The following RAP2A variants were observed in gnomAD, a reference collection of about 807,000 sequenced individuals.
The protein encoded by RAP2A is RAP2A, member of RAS oncogene family, also known as ras-related protein Rap-2a.
In RAP2A, 5 loss-of-function variants were observed where a neutral mutation model predicts 15.1. The observed-to-expected ratio is 0.33, with a 90% confidence interval of 0.17 to 0.70. RAP2A has a LOEUF of 0.70. RAP2A is among the 30% of genes least tolerant of loss of function. The pLI, the probability that RAP2A is intolerant of heterozygous loss-of-function variation, is 0.68. For missense variants in RAP2A, 111 were observed against 240.3 expected (o/e 0.46, Z 3.56); for synonymous variants, 110 against 99.7 (o/e 1.10, Z -0.62).
At chr13:97,435,249 AG>A (rs1423147779) in intron 1 of RAP2A, among the ~76,000 whole-genome samples, 1 of 152,178 alleles carries the variant, frequency 6.6e-6, no homozygotes. Context: ...ATCTCGTTAA[AG>A]GTTTATGGTT....
At chr13:97,459,579 C>T (rs554799411) in intron 1 of RAP2A, among the ~76,000 whole-genome samples, 18 of 152,270 alleles carry the variant, frequency 1.2e-4, no homozygotes, top group Admixed American at 2.6e-4. Flanking sequence ...ATGCTGTCGC[C>T]GGCTCAGGCA....
Position 97,468,156 on chromosome 13 carries a change from G to A in RAP2A, c.*3714G>A, listed in dbSNP as rs982851505. 1 of 152,232 alleles carries A rather than the reference G, an allele frequency of 6.6e-6. No individual in the cohort carries two copies. Among genetic ancestry groups the A allele is most frequent in the Non-Finnish European group, 1.5e-5 (1 of 68,002 alleles). The allele number at this position is 152,232 out of a possible 1,614,324, so 9.4% of individuals were successfully genotyped here. A position where few individuals can be genotyped will look rare whatever the true frequency, so the allele number is the denominator to read the frequency against. Reference sequence around the variant, plus strand: ...GGCAGGTAGGTAGATAATTTTCATAGTCTTTAAAAATAAAAATAACATGTA... The same window carrying A: ...GGCAGGTAGGTAGATAATTTTCATAATCTTTAAAAATAAAAATAACATGTA... On this transcript the variant is annotated 3_prime_UTR_variant, in exon 2 of 2. Coordinates refer to ENST00000245304, the MANE Select transcript of RAP2A (RefSeq NM_021033.7).
At position 97,464,217 on chromosome 13, in the gene RAP2A, G is replaced by T. The variant is rs137972195; in HGVS notation, c.327G>T (p.Val109=). The T allele has an allele frequency of 7.5e-4, 1,209 of 1,614,126 alleles. 1 individual carries two copies. Among genetic ancestry groups the T allele is most frequent in the Non-Finnish European group, 9.1e-4 (1,071 of 1,179,990 alleles). ...QIIRVKRYEK[V]PVILVGNKVD... is the part of the protein sequence containing the mutation. ...TATTCTCTCATAGGTATGAGAAAGTGCCAGTCATCTTGGTTGGGAACAAAG... is the reference window on the plus strand; with the variant it reads ...TATTCTCTCATAGGTATGAGAAAGTTCCAGTCATCTTGGTTGGGAACAAAG... Residue 109 remains valine (V), a synonymous_variant, in exon 2 of 2, where the codon GTG becomes GTT. Transcript: ENST00000245304.
chr13:97,446,325 CTTGTTTAAATAAACAGTATCTTTCT>C (rs1267293291), intron 1 of RAP2A, among the ~76,000 whole-genome samples: 1 of 152,024 alleles, frequency 6.6e-6, no homozygotes, highest in African/African-American at 2.4e-5. Context: ...TTTGAGATAC[CTTGTTTAAATAAACAGTATCTTTCT>C]TTGACCTGGC....
At chr13:97,458,413 G>A (rs1160729867) in intron 1 of RAP2A, among the ~76,000 whole-genome samples, 1 of 152,104 alleles carries the variant, frequency 6.6e-6, no homozygotes, top group African/African-American at 2.4e-5. Flanking sequence ...GTTTATCATT[G>A]GTGAATAAAT....
At chr13:97,441,442 C>T (rs1478012659) in intron 1 of RAP2A, among the ~76,000 whole-genome samples, 1 of 152,112 alleles carries the variant, frequency 6.6e-6, no homozygotes, top group Non-Finnish European at 1.5e-5. Flanking sequence ...TAGCAATATA[C>T]TTGAGTGATT....
chr13:97,460,830 C>T (rs1401786039), intron 1 of RAP2A, among the ~76,000 whole-genome samples: 3 of 152,288 alleles, frequency 2.0e-5, no homozygotes, highest in East Asian at 1.9e-4. Flanking sequence ...AGCACAGGGA[C>T]TCTGGAGAAG....
At chr13:97,451,510 C>T (rs2066702213) in intron 1 of RAP2A, among the ~76,000 whole-genome samples, 1 of 152,098 alleles carries the variant, frequency 6.6e-6, no homozygotes, top group African/African-American at 2.4e-5. Context: ...GTAGTTAATT[C>T]TTTTTAATGG....
chr13:97,449,855 T>TC (rs373539643), intron 1 of RAP2A, among the ~76,000 whole-genome samples: 99 of 152,296 alleles, frequency 6.5e-4, no homozygotes, highest in African/African-American at 2.3e-3. Context: ...ATGAAGGTAC[T>TC]CCTCTTCCTC....
intron 1 of RAP2A, among the ~76,000 whole-genome samples, chr13:97,443,011 T>C (rs1312483458): frequency 1.3e-5 from 2 of 152,202 alleles, no homozygotes; most frequent in Non-Finnish European, 2.9e-5. Context: ...ACTTTTGCCT[T>C]GTGAAAACTT....
chr13:97,442,649 T>C (rs2066662836), intron 1 of RAP2A, among the ~76,000 whole-genome samples: 1 of 152,174 alleles, frequency 6.6e-6, no homozygotes, highest in Non-Finnish European at 1.5e-5. Context: ...TATTTCGTTG[T>C]TTTTAAGTGC....
intron 1 of RAP2A, among the ~76,000 whole-genome samples, chr13:97,447,516 C>T (rs1354091176): frequency 6.6e-6 from 1 of 152,114 alleles, no homozygotes; most frequent in African/African-American, 2.4e-5. Context: ...AAGTAAAGAT[C>T]CCTGCATTCT....
intron 1 of RAP2A, among the ~76,000 whole-genome samples, chr13:97,436,511 T>C (rs1209836951): frequency 3.3e-5 from 5 of 152,200 alleles, no homozygotes; most frequent in Non-Finnish European, 7.4e-5. Flanking sequence ...GATGCACATA[T>C]ACACTGATAA....
intron 1 of RAP2A, among the ~76,000 whole-genome samples, chr13:97,440,853 A>C (rs567920732): frequency 6.6e-6 from 1 of 152,208 alleles, no homozygotes; most frequent in African/African-American, 2.4e-5. Context: ...AGAACACAAC[A>C]TAAGTTCTGT....
chr13:97,450,347 C>A (rs2066696984), intron 1 of RAP2A, among the ~76,000 whole-genome samples: 1 of 152,054 alleles, frequency 6.6e-6, no homozygotes, highest in Non-Finnish European at 1.5e-5. Flanking sequence ...TTAATCTTTT[C>A]AAGTACAATA....
chr13:97,448,259 A>G (rs1594324365), intron 1 of RAP2A, among the ~76,000 whole-genome samples: 3 of 152,362 alleles, frequency 2.0e-5, no homozygotes, highest in South Asian at 2.1e-4. Flanking sequence ...GAGATAAAAC[A>G]TAAATAACAG....
rs148124432 is a variant in RAP2A, at chr13:97,440,482, GAAAC to G, written c.314+5705_314+5708del. Among the ~76,000 whole-genome samples the G allele has an allele frequency of 2.0e-4, 30 of 152,226 alleles. No homozygotes were observed. In the East Asian group the frequency reaches 5.0e-3, roughly 25 times the overall value. ...TTAAAGTTAAAAAGACTGACAATAT[GAAAC>G]AAACAATATAACTAGTAAGTCAGGA... On this transcript the variant is annotated intron_variant, in intron 1 of 1. Transcript: ENST00000245304.
chr13:97,458,066 T>G (rs1162895453), intron 1 of RAP2A, among the ~76,000 whole-genome samples: 1 of 152,196 alleles, frequency 6.6e-6, no homozygotes, highest in East Asian at 1.9e-4. Flanking sequence ...CCTGTAGGTA[T>G]GAGTTCCACG....
rs2066777368 is a variant in RAP2A at position 97,467,540 on chromosome 13, G to C, written c.*3098G>C. On this transcript the variant is annotated 3_prime_UTR_variant, in exon 2 of 2. Coordinates refer to ENST00000245304, the MANE Select transcript of RAP2A (RefSeq NM_021033.7). ...TGTCAGTGTATGTATGAATATGAAA[G>C]TGCTTTGTTTTGTTTGTTGCTGTTT... 6.6e-6 allele frequency: 1 copy of C among 152,590 alleles called. No individual in the cohort carries two copies. 9.5% of individuals were successfully genotyped at this position (152,590 alleles called of 1,614,324 possible). A position where few individuals can be genotyped will look rare whatever the true frequency, so the allele number is the denominator to read the frequency against.
Sources: allele counts gnomAD v4.1 joint callset (sites outside exome capture counted in the v4.1 genomes callset), GRCh38; gene constraint gnomAD v4.1.1; transcripts MANE v1.5; gene names NCBI Gene and HGNC (gene_info 2026-07-23, HGNC 2026-07-21).